TMEM114: variants seen among roughly 807,000 people sequenced by gnomAD.
TMEM114 encodes the protein claudin-26.
TMEM114 carries 6 observed loss-of-function variants against 6.2 expected under a neutral mutation model. The ratio of observed to expected loss-of-function variants is 0.97; its 90% CI spans 0.53 to 1.91. The LOEUF (loss-of-function observed/expected upper bound fraction) is 1.91, where lower values mean the gene tolerates loss of function less well. Among genes scored for constraint, TMEM114 ranks in the 40% most tolerant of loss-of-function variants. The pLI is 0.01. For missense variants in TMEM114, 218 were observed against 158.3 expected (o/e 1.38, Z -2.02); for synonymous variants, 104 against 73.0 (o/e 1.42, Z -2.16).
At chr16:8,565,802 C>G (rs550787520), downstream of TMEM114, among the ~76,000 whole-genome samples, 41 of 152,174 alleles carry the variant, frequency 2.7e-4, no homozygotes, top group Admixed American at 2.6e-3. Flanking sequence ...TGCCCAGGTC[C>G]GCCCTCGAGG....
chr16:8,567,474 G>A (rs1459918829), downstream of TMEM114, among the ~76,000 whole-genome samples: 1 of 152,160 alleles, frequency 6.6e-6, no homozygotes, highest in Non-Finnish European at 1.5e-5. Flanking sequence ...CACATGTTTT[G>A]GTTTGTTATT....
chr16:8,528,537 G>A, the TMEM114 span, among the ~76,000 whole-genome samples: 21 of 152,184 alleles, frequency 1.4e-4, no homozygotes, highest in African/African-American at 4.8e-5. Flanking sequence ...AGGGGAGCAT[G>A]CTTTCACCAA....
intron 2 of TMEM114, among the ~76,000 whole-genome samples, chr16:8,550,980 A>T (rs186642730): frequency 1.6e-4 from 24 of 152,344 alleles, no homozygotes; most frequent in Admixed American, 5.2e-4. Flanking sequence ...AACTACAAAG[A>T]TGAATGATAC....
the TMEM114 span, among the ~76,000 whole-genome samples, chr16:8,528,065 T>C: frequency 6.6e-6 from 1 of 152,128 alleles, no homozygotes; most frequent in Non-Finnish European, 1.5e-5. Flanking sequence ...TGTGCCACCA[T>C]GCCCGGCTAA....
At chr16:8,585,808 C>T (rs906839702) in intron 2 of TMEM114, among the ~76,000 whole-genome samples, 4 of 152,062 alleles carry the variant, frequency 2.6e-5, no homozygotes, top group Non-Finnish European at 5.9e-5. Context: ...TTTAGCCTCA[C>T]AATAACCTTA....
At chr16:8,537,160 G>A (rs1900384718), downstream of TMEM114, among the ~76,000 whole-genome samples, 1 of 151,922 alleles carries the variant, frequency 6.6e-6, no homozygotes, top group Non-Finnish European at 1.5e-5. Context: ...AGCTGTGATT[G>A]CATCACTGCA....
In TMEM114 at chr16:8,543,638, C is replaced by G. The variant is rs554309437; in HGVS notation, n.213-5812G>C. Among the ~76,000 whole-genome samples the G allele has an allele frequency of 2.0e-5, 3 of 152,258 alleles. No individual in the cohort carries two copies. The East Asian group carries it at 5.8e-4, about 29-fold the overall frequency. ...CTCCAGAGCCTTCCTTTCTCAATGA[C>G]AGCCAAGGTTTCTGCCTTGGGCTCC... On this transcript the variant is annotated intron_variant and non_coding_transcript_variant, in intron 2 of 2. Transcript: ENST00000623677.
the TMEM114 span, among the ~76,000 whole-genome samples, chr16:8,528,533 G>C: frequency 6.6e-6 from 1 of 152,088 alleles, no homozygotes; most frequent in African/African-American, 2.4e-5. Context: ...GAGGAGGGGA[G>C]CATGCTTTCA....
intron 3 of TMEM114, 131 bp downstream of exon 3, chr16:8,571,956 G>T: frequency 2.6e-6 from 3 of 1,172,690 alleles, no homozygotes; most frequent in Non-Finnish European, 3.5e-6. Flanking sequence ...TCTTCCAACT[G>T]ATATCCCAGA....
chr16:8,571,426 A>G (rs1270929124), intron 3 of TMEM114, among the ~76,000 whole-genome samples: 1 of 152,136 alleles, frequency 6.6e-6, no homozygotes, highest in Non-Finnish European at 1.5e-5. Flanking sequence ...CATACTTAGC[A>G]TTTCTTTTGT....
chr16:8,563,273 ATGAG>A (rs1482625121), intron 2 of TMEM114, among the ~76,000 whole-genome samples: 3 of 143,928 alleles, frequency 2.1e-5, no homozygotes, highest in East Asian at 4.6e-4. Flanking sequence ...GAGTCAGTGA[ATGAG>A]TGAGGGAATG....
intron 3 of TMEM114, 34 bp downstream of exon 3, chr16:8,572,053 A>G: frequency 6.7e-7 from 1 of 1,499,328 alleles, no homozygotes; most frequent in Non-Finnish European, 8.9e-7. Flanking sequence ...CCCCCAGACC[A>G]CAAGCCAGAG....
rs1567212993 is a variant in TMEM114, at chr16:8,589,313, C to A, written c.221-20G>T. The A allele has an allele frequency of 2.5e-6, 1 of 398,610 alleles. No homozygotes were observed. Among genetic ancestry groups the A allele is most frequent in the African/African-American group, 2.1e-5 (1 of 48,636 alleles). 24.7% of individuals were successfully genotyped at this position (398,610 alleles called of 1,614,324 possible). On this transcript the variant is annotated intron_variant, in intron 1 of 3. Transcript: ENST00000620492. ...TCTGCACTGGATAGGACGGAGGAAT[C>A]CATGGGTGCAGGACCCCGGAGTTCT...
the TMEM114 span, among the ~76,000 whole-genome samples, chr16:8,528,896 C>A: frequency 2.0e-5 from 3 of 152,166 alleles, no homozygotes; most frequent in African/African-American, 7.2e-5. Context: ...TATTTTGCCT[C>A]TGGTCATTTG....
intron 2 of TMEM114, among the ~76,000 whole-genome samples, chr16:8,563,016 GTGAGTGAGGGAA>G (rs1300474747): frequency 8.8e-6 from 1 of 113,778 alleles, no homozygotes; most frequent in African/African-American, 3.2e-5. Flanking sequence ...GAATGAATGA[GTGAGTGAGGGAA>G]TGAGTGAGTG....
At chr16:8,557,964 A>C (rs1048362285) in intron 2 of TMEM114, among the ~76,000 whole-genome samples, 1 of 152,192 alleles carries the variant, frequency 6.6e-6, no homozygotes, top group African/African-American at 2.4e-5. Context: ...AAATTTCAAA[A>C]TCAGTCCAGG....
intron 2 of TMEM114, among the ~76,000 whole-genome samples, chr16:8,584,299 C>T (rs1210703857): frequency 6.6e-6 from 1 of 152,168 alleles, no homozygotes; most frequent in East Asian, 1.9e-4. Context: ...CTGGCTGATA[C>T]AGCTAGACTG....
chr16:8,560,607 G>A (rs924571077), intron 2 of TMEM114, among the ~76,000 whole-genome samples: 5 of 152,204 alleles, frequency 3.3e-5, no homozygotes, highest in Non-Finnish European at 7.3e-5. Context: ...TTCTGAGGCT[G>A]GAGTTCGAGT....
Position 8,564,280 on chromosome 16 carries a change from AGTGATGAAATAAGTGAATG to A in TMEM114, n.212+24914_212+24932del, listed in dbSNP as rs1253938185. 1.7e-4 allele frequency among the ~76,000 whole-genome samples: 24 copies of A among 142,108 alleles called. 1 individual carries two copies. Among genetic ancestry groups the A allele is most frequent in the African/African-American group, 6.4e-4 (24 of 37,334 alleles). The allele number at this position is 142,108 out of a possible 152,430, so 93.2% of individuals were successfully genotyped here. The stretch of plus-strand genomic sequence containing the variant: ...GAATGAGTGATGAAATAAGTGAATG[AGTGATGAAATAAGTGAATG>A]AGTGATGAAATAAGTGAATGAGTGA... On this transcript the variant is annotated intron_variant and non_coding_transcript_variant, in intron 2 of 2. Coordinates refer to the TMEM114 transcript ENST00000623677.
Sources: gnomAD v4.1 joint callset for allele counts (sites outside exome capture counted in the v4.1 genomes callset) on GRCh38, gnomAD v4.1.1 for gene constraint, MANE v1.5 for transcripts, NCBI Gene and HGNC (gene_info 2026-07-23, HGNC 2026-07-21) for gene names.